The following IPO11 variants were observed in gnomAD, a reference collection of about 807,000 sequenced individuals.
The protein encoded by IPO11 is importin-11.
A neutral mutation model predicts 143.2 loss-of-function variants in IPO11; 66 were observed. That is an observed-to-expected ratio of 0.46 (90% CI 0.38 to 0.57). IPO11 has a LOEUF of 0.57. Ranked by LOEUF, IPO11 falls within the 20% of genes least tolerant of loss-of-function variation. IPO11 has a pLI of 0.00. For missense variants in IPO11, 1,026 were observed against 1,141.0 expected (o/e 0.90, Z 1.45); for synonymous variants, 385 against 377.8 (o/e 1.02, Z -0.22).
chr5:62,425,385 T>C lies in IPO11; in HGVS notation c.-6-11889T>C, dbSNP rs1016598060. ...CAGGCTGAAGTACAATGGTGCAATC[T>C]CGGCTCACTGCAACCTCCGCCTCCT... On this transcript the variant is annotated intron_variant, in intron 1 of 29. Coordinates refer to ENST00000325324, the MANE Select transcript of IPO11 (RefSeq NM_016338.5). Among the ~76,000 whole-genome samples the C allele has an allele frequency of 1.3e-5, 2 of 152,192 alleles. 1 individual carries two copies. Among genetic ancestry groups the C allele is most frequent in the South Asian group, 4.1e-4 (2 of 4,830 alleles).
intron 21 of IPO11, among the ~76,000 whole-genome samples, chr5:62,527,176 G>A (rs1253910893): frequency 6.6e-6 from 1 of 152,194 alleles, no homozygotes; most frequent in Admixed American, 6.5e-5. Context: ...TAAATGGCAT[G>A]TATGTGGTTT....
chr5:62,446,879 G>A (rs751115307), intron 3 of IPO11, among the ~76,000 whole-genome samples: 9 of 151,718 alleles, frequency 5.9e-5, no homozygotes, highest in Non-Finnish European at 8.8e-5. Flanking sequence ...TGAGGCAGGA[G>A]AATCTCGAAC....
At chr5:62,427,649 G>A (rs895145223) in intron 1 of IPO11, among the ~76,000 whole-genome samples, 4 of 152,226 alleles carry the variant, frequency 2.6e-5, no homozygotes, top group African/African-American at 9.6e-5. Flanking sequence ...CACATGCAAA[G>A]GATCTAGGTT....
intron 19 of IPO11, 36 bp downstream of exon 19, chr5:62,506,393 G>T (rs1222987492): frequency 3.5e-6 from 4 of 1,135,170 alleles, no homozygotes; most frequent in South Asian, 1.3e-5. Context: ...TAAATGAGGG[G>T]TGGGTAGAAT....
At chr5:62,597,015 A>G (rs1745254081) in intron 28 of IPO11, among the ~76,000 whole-genome samples, 1 of 152,232 alleles carries the variant, frequency 6.6e-6, no homozygotes, top group African/African-American at 2.4e-5. Flanking sequence ...GGAAGAATTC[A>G]TTCCATCTTT....
At chr5:62,461,369 A>G (rs925144209) in intron 5 of IPO11, among the ~76,000 whole-genome samples, 11 of 152,228 alleles carry the variant, frequency 7.2e-5, no homozygotes, top group Non-Finnish European at 1.6e-4. Flanking sequence ...ATCAATGTCA[A>G]GGATAGGGGA....
intron 5 of IPO11, among the ~76,000 whole-genome samples, chr5:62,464,596 C>T (rs888695953): frequency 1.3e-5 from 2 of 151,986 alleles, no homozygotes; most frequent in Non-Finnish European, 2.9e-5. Context: ...CCCGCCATAG[C>T]TCCCCAAGTA....
intron 19 of IPO11, among the ~76,000 whole-genome samples, chr5:62,510,465 T>A (rs1048982192): frequency 2.6e-5 from 4 of 152,218 alleles, no homozygotes. Flanking sequence ...GACATCATGA[T>A]ACTCTCCAGA....
At position 62,451,749 on chromosome 5, in the gene IPO11, T is replaced by G. The variant is rs1293663929; in HGVS notation, c.332T>G (p.Val111Gly). Residue 111 changes from valine (V) to glycine (G), a missense_variant, in exon 5 of 30, where the codon GTG (valine) becomes GGG (glycine). Transcript: ENST00000325324. ...PINQIATQIA[V>G]LIAKVARLDC... ...TTTCAGATTGCAACTCAGATTGCAGTGCTCATTGCAAAAGTTGCTAGATTG... is the reference window on the plus strand; with the variant it reads ...TTTCAGATTGCAACTCAGATTGCAGGGCTCATTGCAAAAGTTGCTAGATTG... The G allele has an allele frequency of 2.5e-6, 4 of 1,614,138 alleles. No individual in the cohort carries two copies. Among genetic ancestry groups the G allele is most frequent in the Non-Finnish European group, 2.5e-6 (3 of 1,179,984 alleles).
chr5:62,608,595 C>T (rs1368907587), intron 29 of IPO11, among the ~76,000 whole-genome samples: 1 of 152,180 alleles, frequency 6.6e-6, no homozygotes, highest in Non-Finnish European at 1.5e-5. Context: ...ACATGCTAGT[C>T]CTCCATCTGG....
In IPO11 at chr5:62,501,239, C is replaced by T. The variant is rs115321971; in HGVS notation, c.1591-3428C>T. Among the ~76,000 whole-genome samples, 1,101 of 152,032 alleles carry T rather than the reference C, an allele frequency of 7.2e-3. 12 individuals carry two copies. Among genetic ancestry groups the T allele is most frequent in the African/African-American group, 0.025 (1,033 of 41,480 alleles). On this transcript the variant is annotated intron_variant, in intron 16 of 29. Coordinates refer to ENST00000325324, the MANE Select transcript of IPO11 (RefSeq NM_016338.5). ...ACTCTCTAATTTTTTTTTCTATTTA[C>T]CTATCCTTTGTATCTCAAAAACACT...
Position 62,444,073 on chromosome 5 carries a change from G to A in IPO11, c.239+990G>A, listed in dbSNP as rs536385951. ...GGCTGCACTTGGGATACTATATTAC[G>A]GTTTAAAGCAGACATGTCTTTTTCT... is the stretch of plus-strand genomic sequence containing the variant. On this transcript the variant is annotated intron_variant, in intron 3 of 29. Transcript: ENST00000325324. 3.6e-4 allele frequency among the ~76,000 whole-genome samples: 54 copies of A among 151,884 alleles called. 1 individual carries two copies. Among genetic ancestry groups the A allele is most frequent in the Admixed American group, 2.0e-3 (31 of 15,230 alleles).
chr5:62,506,403 T>G, intron 19 of IPO11, 46 bp downstream of exon 19: 12 of 1,025,286 alleles, frequency 1.2e-5, no homozygotes, highest in Non-Finnish European at 1.7e-5. Context: ...GTGGGTAGAA[T>G]AGACGTAGAA....
chr5:62,613,545 G>C (rs184356502), intron 29 of IPO11, among the ~76,000 whole-genome samples: 1 of 151,624 alleles, frequency 6.6e-6, no homozygotes, highest in African/African-American at 2.4e-5. Flanking sequence ...TCAGGCAATC[G>C]GCCCGCCTCA....
At chr5:62,512,975 T>C (rs1222444270) in intron 19 of IPO11, among the ~76,000 whole-genome samples, 1 of 148,250 alleles carries the variant, frequency 6.7e-6, no homozygotes. Flanking sequence ...AAGTCTCCCA[T>C]GTCTACTTCT....
chr5:62,482,233 C>G (rs1746240102), intron 9 of IPO11, among the ~76,000 whole-genome samples: 1 of 152,124 alleles, frequency 6.6e-6, no homozygotes, highest in Non-Finnish European at 1.5e-5. Context: ...TTTCAAAAAA[C>G]CAGCTCCTGG....
chr5:62,615,707 G>A (rs1213484499), intron 29 of IPO11, among the ~76,000 whole-genome samples: 1 of 152,198 alleles, frequency 6.6e-6, no homozygotes, highest in Non-Finnish European at 1.5e-5. Context: ...AGAAGAGTTG[G>A]TTTTTATAAG....
intron 28 of IPO11, among the ~76,000 whole-genome samples, chr5:62,593,918 A>G (rs567753141): frequency 2.6e-4 from 39 of 152,246 alleles, no homozygotes; most frequent in Non-Finnish European, 5.0e-4. Flanking sequence ...GTTACAGTCC[A>G]TGAGACTATA....
At chr5:62,591,537 A>C in intron 27 of IPO11, 40 bp from the exon 28 acceptor site, 1 of 1,130,016 alleles carries the variant, frequency 8.8e-7, no homozygotes, top group South Asian at 1.4e-5. Flanking sequence ...GAATTAATCT[A>C]GTATTCCAGT....
Sources: allele counts gnomAD v4.1 joint callset (sites outside exome capture counted in the v4.1 genomes callset), GRCh38; gene constraint gnomAD v4.1.1; transcripts MANE v1.5; gene names NCBI Gene and HGNC (gene_info 2026-07-23, HGNC 2026-07-21).